The following CEP170 variants were observed in gnomAD, a reference collection of about 807,000 sequenced individuals.
CEP170 encodes centrosomal protein of 170 kDa.
Under a neutral mutation model 151.9 loss-of-function variants are expected in CEP170, and 21 were observed. That is an observed-to-expected ratio of 0.14 (90% CI 0.10 to 0.20). The LOEUF (loss-of-function observed/expected upper bound fraction) is 0.20, where lower values mean the gene tolerates loss of function less well. Among genes scored for constraint, CEP170 ranks in the 10% least tolerant of loss-of-function variants. The pLI, the probability that CEP170 is intolerant of heterozygous loss-of-function variation, is 1.00. For missense variants in CEP170, 964 were observed against 1,892.9 expected, an observed-to-expected ratio of 0.51 and a Z score of 9.11; for synonymous variants, 356 against 648.8, an observed-to-expected ratio of 0.55 and a Z score of 6.86.
At chr1:243,177,755 A>G (rs2059347523) in intron 10 of CEP170, among the ~76,000 whole-genome samples, 2 of 152,252 alleles carry the variant, frequency 1.3e-5, no homozygotes, top group South Asian at 4.1e-4. Context: ...TTAAAATTCC[A>G]TGGAATAAGT....
chr1:243,245,640 C>T (rs763563596), intron 1 of CEP170, among the ~76,000 whole-genome samples: 5 of 151,540 alleles, frequency 3.3e-5, no homozygotes, highest in African/African-American at 4.9e-5. Flanking sequence ...CTTGAACCCG[C>T]GAGGCAGAGG....
At chr1:243,159,215 T>C (rs1309629078) in intron 13 of CEP170, among the ~76,000 whole-genome samples, 5 of 152,124 alleles carry the variant, frequency 3.3e-5, no homozygotes, top group Admixed American at 2.0e-4. Context: ...TGATTAAAAA[T>C]CATTAAGTAA....
intron 15 of CEP170, among the ~76,000 whole-genome samples, chr1:243,141,329 C>A (rs1380154300): frequency 6.6e-6 from 1 of 152,136 alleles, no homozygotes; most frequent in Non-Finnish European, 1.5e-5. Flanking sequence ...CAGTTCTGCC[C>A]CTGTAGCAAA....
At chr1:243,228,312 G>A (rs1033154339) in intron 1 of CEP170, among the ~76,000 whole-genome samples, 4 of 152,090 alleles carry the variant, frequency 2.6e-5, no homozygotes, top group Admixed American at 1.3e-4. Flanking sequence ...CAATCAACTC[G>A]TACTCCCTCC....
chr1:243,135,483 G>A (rs2054951383), intron 17 of CEP170, among the ~76,000 whole-genome samples: 1 of 152,128 alleles, frequency 6.6e-6, no homozygotes, highest in Non-Finnish European at 1.5e-5. Context: ...TGGGATTACA[G>A]GCATGAGCCA....
In CEP170 at chr1:243,200,778, T is replaced by C. The variant is rs763843135; in HGVS notation, c.332A>G (p.Lys111Arg). Reference sequence around the variant, plus strand: ...AAGAAGTTAAGTAAAAACTGTTACCTTAAGAGCTTCTTCAGGGACCCTCAT... The same window carrying C: ...AAGAAGTTAAGTAAAAACTGTTACCCTAAGAGCTTCTTCAGGGACCCTCAT... ...GEMRVPEEALKHEKFTIQLQL... is the reference protein window; with the variant it reads ...GEMRVPEEALRHEKFTIQLQL... Residue 111 changes from lysine (K) to arginine (R), a missense_variant and splice_region_variant, in exon 5 of 20, where the codon AAG becomes AGG. Coordinates refer to ENST00000366542, the MANE Select transcript of CEP170 (RefSeq NM_014812.3). The C allele has an allele frequency of 2.5e-6, 4 of 1,611,720 alleles. No homozygotes were observed. The Admixed American group carries it at 6.7e-5, about 27-fold the overall frequency.
In CEP170 at chr1:243,191,094, T is replaced by C; in HGVS notation, c.1032A>G (p.Gln344=). The change falls in exon 8 of 20, where the codon CAA becomes CAG. Residue 344 remains glutamine, a synonymous_variant. Coordinates refer to ENST00000366542, the MANE Select transcript of CEP170 (RefSeq NM_014812.3). ...CCTCTTCTGTTCTTTCCCATAGCAT[T>C]TGAGGAGGGTTGTTTTGTGCTAGCC... ...ADWLAQNNPP[Q]MLWERTEEDS... 1.2e-6 allele frequency: 2 copies of C among 1,613,152 alleles called. No homozygotes were observed. The highest frequency in any genetic ancestry group is 1.1e-5 in the South Asian group (1 of 90,956).
intron 15 of CEP170, among the ~76,000 whole-genome samples, chr1:243,140,885 A>G (rs1187714582): frequency 6.6e-6 from 1 of 152,244 alleles, no homozygotes; most frequent in Non-Finnish European, 1.5e-5. Context: ...AGAAAATAAT[A>G]TCTTCAACAT....
intron 15 of CEP170, 140 bp downstream of exon 15, chr1:243,142,176 T>C: frequency 6.5e-7 from 1 of 1,528,456 alleles, no homozygotes; most frequent in South Asian, 1.3e-5. Context: ...AAATAAACTG[T>C]TAAAGCAAAG....
At chr1:243,251,463 A>G (rs1187341001) in intron 1 of CEP170, among the ~76,000 whole-genome samples, 1 of 152,190 alleles carries the variant, frequency 6.6e-6, no homozygotes, top group Non-Finnish European at 1.5e-5. Context: ...GTTATTCACT[A>G]ACTCTATGCT....
At chr1:243,201,595 C>T (rs2061036543) in intron 4 of CEP170, among the ~76,000 whole-genome samples, 1 of 152,118 alleles carries the variant, frequency 6.6e-6, no homozygotes, top group African/African-American at 2.4e-5. Flanking sequence ...CTTACCAGTT[C>T]AGAGCACTCA....
At chr1:243,136,001 A>G in intron 17 of CEP170, 142 bp downstream of exon 17, 2 of 1,272,316 alleles carry the variant, frequency 1.6e-6, no homozygotes, top group East Asian at 2.5e-5. Flanking sequence ...TAAAGTTATA[A>G]AGTAGTACTG....
chr1:243,213,899 T>C (rs61833880), intron 3 of CEP170, among the ~76,000 whole-genome samples: 14,897 of 152,172 alleles, frequency 0.098, 953 homozygotes, highest in Non-Finnish European at 0.13. Flanking sequence ...TTTTTGTAGA[T>C]GGGGTCTCAC....
intron 3 of CEP170, among the ~76,000 whole-genome samples, chr1:243,212,169 C>A (rs1437892176): frequency 1.3e-5 from 2 of 152,136 alleles, no homozygotes; most frequent in African/African-American, 2.4e-5. Flanking sequence ...TGGTAACACA[C>A]AAAGAACCCA....
chr1:243,182,378 C>G (rs1371830505), intron 10 of CEP170, among the ~76,000 whole-genome samples: 1 of 152,090 alleles, frequency 6.6e-6, no homozygotes, highest in African/African-American at 2.4e-5. Context: ...AGACAGCTGC[C>G]CTCTATTGTC....
intron 3 of CEP170, among the ~76,000 whole-genome samples, chr1:243,214,217 G>A (rs1009068089): frequency 6.7e-6 from 1 of 149,812 alleles, no homozygotes; most frequent in African/African-American, 2.5e-5. Context: ...AAAATAATAA[G>A]TGTTTTGCAC....
chr1:243,232,072 G>C (rs908755514), intron 1 of CEP170, among the ~76,000 whole-genome samples: 2 of 151,818 alleles, frequency 1.3e-5, no homozygotes, highest in African/African-American at 4.8e-5. Flanking sequence ...CAAGCTCCAG[G>C]CTCCCACCTC....
intron 1 of CEP170, among the ~76,000 whole-genome samples, chr1:243,248,553 G>A (rs914742311): frequency 4.6e-5 from 7 of 152,154 alleles, no homozygotes; most frequent in African/African-American, 1.2e-4. Context: ...CCACTTGGGC[G>A]TTTAACAGAC....
chr1:243,175,831 T>C (rs917081124), intron 10 of CEP170, among the ~76,000 whole-genome samples: 9 of 152,146 alleles, frequency 5.9e-5, no homozygotes, highest in Admixed American at 2.6e-4. Flanking sequence ...GAGTCTCGCT[T>C]TGTCGCCCAG....
Sources: allele counts gnomAD v4.1 joint callset (sites outside exome capture counted in the v4.1 genomes callset), GRCh38; gene constraint gnomAD v4.1.1; transcripts MANE v1.5; gene names NCBI Gene and HGNC (gene_info 2026-07-23, HGNC 2026-07-21).